Variants in ARFGAP3 observed in about 807,000 individuals in gnomAD.
ARFGAP3 encodes the protein ARF GTPase activating protein 3.
A neutral mutation model predicts 75.0 loss-of-function variants in ARFGAP3; 72 were observed. The ratio of observed to expected loss-of-function variants is 0.96; its 90% CI spans 0.79 to 1.17. ARFGAP3 has a LOEUF of 1.17. ARFGAP3 is among the 50% of genes most tolerant of loss of function. The pLI is 0.00. For missense variants in ARFGAP3, 620 were observed against 626.6 expected (o/e 0.99, Z 0.11); for synonymous variants, 221 against 217.9 (o/e 1.01, Z -0.13).
At chr22:42,801,510 G>A (rs1021452618) in intron 14 of ARFGAP3, among the ~76,000 whole-genome samples, 6 of 152,204 alleles carry the variant, frequency 3.9e-5, no homozygotes, top group African/African-American at 7.2e-5. Flanking sequence ...CAGCTTCCTT[G>A]CCTACTATGA....
Position 42,835,941 on chromosome 22 carries a change from C to A in ARFGAP3, c.262-448G>T, listed in dbSNP as rs112303228. ...ACTTTATTTGGGGAAAAGCTTTCTACTCAGGACTACTTTTAATTCACGAGC... is the reference window on the plus strand; with the variant it reads ...ACTTTATTTGGGGAAAAGCTTTCTAATCAGGACTACTTTTAATTCACGAGC... On this transcript the variant is annotated intron_variant, in intron 3 of 15. Transcript: ENST00000263245. Among the ~76,000 whole-genome samples, 1,040 of 150,854 alleles carry A rather than the reference C, an allele frequency of 6.9e-3. 17 individuals carry two copies. The highest frequency in any genetic ancestry group is 0.024 in the African/African-American group (1,004 of 41,104).
At chr22:42,825,986 G>A (rs911767664) in intron 7 of ARFGAP3, among the ~76,000 whole-genome samples, 3 of 152,126 alleles carry the variant, frequency 2.0e-5, no homozygotes, top group Admixed American at 6.5e-5. Flanking sequence ...TTTCAAGTGT[G>A]AAAAAGATGC....
intron 13 of ARFGAP3, 71 bp from the exon 14 acceptor site, chr22:42,807,234 A>T: frequency 6.6e-7 from 1 of 1,518,644 alleles, no homozygotes; most frequent in South Asian, 1.3e-5. Context: ...AGAATCACTG[A>T]AGAGCTGTCA....
chr22:42,821,453 G>A (rs1052939374), intron 9 of ARFGAP3, among the ~76,000 whole-genome samples: 2 of 152,156 alleles, frequency 1.3e-5, no homozygotes, highest in Admixed American at 6.6e-5. Context: ...GCCTATTCTG[G>A]ACATTGCATA....
intron 9 of ARFGAP3, among the ~76,000 whole-genome samples, chr22:42,821,249 C>G (rs974451325): frequency 6.6e-6 from 1 of 152,132 alleles, no homozygotes; most frequent in Non-Finnish European, 1.5e-5. Flanking sequence ...ATTCACATAC[C>G]GTAAAACTCA....
chr22:42,804,208 T>G (rs2146526783), intron 14 of ARFGAP3, among the ~76,000 whole-genome samples: 1 of 151,524 alleles, frequency 6.6e-6, no homozygotes, highest in African/African-American at 2.4e-5. Context: ...GAATAGTTTC[T>G]TTTTTCCTTT....
chr22:42,821,270 G>A (rs1925802201), intron 9 of ARFGAP3, among the ~76,000 whole-genome samples: 1 of 152,170 alleles, frequency 6.6e-6, no homozygotes, highest in South Asian at 2.1e-4. Context: ...CCCTGTTAAA[G>A]TGCATGATTC....
intron 13 of ARFGAP3, among the ~76,000 whole-genome samples, chr22:42,807,667 A>T (rs1925186536): frequency 6.6e-6 from 1 of 152,198 alleles, no homozygotes; most frequent in Non-Finnish European, 1.5e-5. Context: ...AGCACATTTT[A>T]GGAAACCATC....
At chr22:42,856,747 G>T (rs970184298) in intron 1 of ARFGAP3, among the ~76,000 whole-genome samples, 1 of 151,886 alleles carries the variant, frequency 6.6e-6, no homozygotes, top group South Asian at 2.1e-4. Flanking sequence ...GCCAGCAGCC[G>T]GGGTTTCCGA....
At chr22:42,850,761 G>A (rs374586366) in intron 1 of ARFGAP3, among the ~76,000 whole-genome samples, 1 of 152,122 alleles carries the variant, frequency 6.6e-6, no homozygotes, top group South Asian at 2.1e-4. Flanking sequence ...CACACTGATC[G>A]CACACTGAAT....
chr22:42,837,679 T>C (rs1457248928), intron 3 of ARFGAP3, among the ~76,000 whole-genome samples: 2 of 126,690 alleles, frequency 1.6e-5, no homozygotes, highest in Non-Finnish European at 3.2e-5. Context: ...ATACTTCTTT[T>C]TTTTTTTTTT....
intron 10 of ARFGAP3, 55 bp from the exon 11 acceptor site, chr22:42,817,319 C>A: frequency 6.5e-7 from 1 of 1,527,482 alleles, no homozygotes; most frequent in South Asian, 1.3e-5. Flanking sequence ...TTTGTTTCAC[C>A]AAAATAAACA....
intron 14 of ARFGAP3, among the ~76,000 whole-genome samples, chr22:42,804,880 G>C (rs1042331470): frequency 2.6e-5 from 4 of 151,640 alleles, no homozygotes; most frequent in Non-Finnish European, 5.9e-5. Flanking sequence ...AAGTATTAAA[G>C]ACAAAATAAA....
intron 14 of ARFGAP3, among the ~76,000 whole-genome samples, chr22:42,806,058 CTCTGTGGCTGTAAGGCCAAGTGA>C (rs1442954998): frequency 6.6e-6 from 1 of 152,236 alleles, no homozygotes; most frequent in Non-Finnish European, 1.5e-5. Flanking sequence ...AACAGCTGTT[CTCTGTGGCTGTAAGGCCAAGTGA>C]TAGCCTAGGT....
At chr22:42,852,994 C>T (rs1927344570) in intron 1 of ARFGAP3, among the ~76,000 whole-genome samples, 1 of 151,994 alleles carries the variant, frequency 6.6e-6, no homozygotes, top group African/African-American at 2.4e-5. Flanking sequence ...GAACTCCTGA[C>T]CTCAGGTGAT....
intron 10 of ARFGAP3, chr22:42,817,477 T>C (rs1246916292): frequency 3.8e-6 from 1 of 260,088 alleles, no homozygotes; most frequent in Admixed American, 6.5e-5. Flanking sequence ...GTCACAAATA[T>C]TGGTTATGTC....
intron 2 of ARFGAP3, among the ~76,000 whole-genome samples, chr22:42,846,115 A>C (rs1475225765): frequency 1.3e-5 from 2 of 152,168 alleles, no homozygotes; most frequent in Non-Finnish European, 2.9e-5. Flanking sequence ...CCTTTTTAAT[A>C]ATCACGTTCT....
chr22:42,823,680 C>CT lies in ARFGAP3; in HGVS notation c.647dup (p.Lys217GlufsTer6). The stretch of plus-strand genomic sequence containing the variant: ...CGCCTTTTTTAGCTTGATTTGGTTT[C>CT]TTTTTTATGATAGAGGATACCTCTG... On this transcript the variant is annotated frameshift_variant, in exon 8 of 16. Coordinates refer to ENST00000263245, the MANE Select transcript of ARFGAP3 (RefSeq NM_014570.5). LOFTEE classifies it high-confidence loss of function. 6.4e-7 allele frequency: 1 copy of CT among 1,570,302 alleles called. No individual in the cohort carries two copies. The highest frequency in any genetic ancestry group is 8.7e-7 in the Non-Finnish European group (1 of 1,154,712).
At position 42,797,213 on chromosome 22, in the gene ARFGAP3, C is replaced by T. The variant is rs1924641244; in HGVS notation, c.*375G>A. 8.9e-6 allele frequency: 2 copies of T among 223,748 alleles called. No individual in the cohort carries two copies. Among genetic ancestry groups the T allele is most frequent in the Non-Finnish European group, 1.8e-5 (2 of 114,154 alleles). The allele number at this position is 223,748 out of a possible 1,614,324, so 13.9% of individuals were successfully genotyped here. ...ATCCAGCATCCGCTGATTCTGGCAGCCCTGAGCCCATGTGTCACATGGAGA... is the reference window on the plus strand; with the variant it reads ...ATCCAGCATCCGCTGATTCTGGCAGTCCTGAGCCCATGTGTCACATGGAGA... On this transcript the variant is annotated 3_prime_UTR_variant, in exon 16 of 16. Coordinates refer to ENST00000263245, the MANE Select transcript of ARFGAP3 (RefSeq NM_014570.5).
Sources: allele counts gnomAD v4.1 joint callset (sites outside exome capture counted in the v4.1 genomes callset), GRCh38; gene constraint gnomAD v4.1.1; transcripts MANE v1.5; gene names NCBI Gene and HGNC (gene_info 2026-07-23, HGNC 2026-07-21).